Variants in RBFOX1 observed in about 807,000 individuals in gnomAD.
RBFOX1 encodes the protein RNA binding protein fox-1 homolog 1.
In RBFOX1, 8 loss-of-function variants were observed where a neutral mutation model predicts 57.7. The observed-to-expected ratio is 0.14, with a 90% CI of 0.08 to 0.25. The LOEUF is 0.25. RBFOX1 is among the 10% of genes least tolerant of loss of function. The pLI is 1.00. For missense variants in RBFOX1, 611 were observed against 548.5 expected, an observed-to-expected ratio of 1.11 and a Z score of -1.14; for synonymous variants, 326 against 222.4, an observed-to-expected ratio of 1.47 and a Z score of -4.15.
intron 1 of RBFOX1, among the ~76,000 whole-genome samples, chr16:6,289,033 G>A (rs1051185449): frequency 2.6e-5 from 4 of 152,128 alleles, no homozygotes; most frequent in South Asian, 2.1e-4. Context: ...AACAGAATGA[G>A]CTTTTATCAT....
chr16:6,999,222 T>A (rs1430033592), intron 3 of RBFOX1, among the ~76,000 whole-genome samples: 5 of 106,696 alleles, frequency 4.7e-5, no homozygotes, highest in East Asian at 2.4e-4. Flanking sequence ...ATTTATTTTT[T>A]TTATTTATTT....
At chr16:6,316,843 C>A (rs1369350259) in intron 1 of RBFOX1, among the ~76,000 whole-genome samples, 152 bp from the exon 2 acceptor site, 1 of 152,170 alleles carries the variant, frequency 6.6e-6, no homozygotes, top group Non-Finnish European at 1.5e-5. Context: ...GAATCATTTT[C>A]ATCATCATCA....
At chr16:6,461,112 G>T (rs1047713780) in intron 2 of RBFOX1, among the ~76,000 whole-genome samples, 2 of 152,130 alleles carry the variant, frequency 1.3e-5, no homozygotes, top group African/African-American at 2.4e-5. Flanking sequence ...GGGAGAGGGT[G>T]GGGGGAAGAA....
intron 3 of RBFOX1, among the ~76,000 whole-genome samples, chr16:5,825,064 A>G (rs1220928619): frequency 6.6e-6 from 1 of 152,212 alleles, no homozygotes; most frequent in Non-Finnish European, 1.5e-5. Flanking sequence ...TTGACTAAGA[A>G]GTTAGACTCT....
At chr16:6,943,150 AT>A (rs1329293082) in intron 3 of RBFOX1, among the ~76,000 whole-genome samples, 7 of 152,284 alleles carry the variant, frequency 4.6e-5, no homozygotes, top group African/African-American at 1.4e-4. Flanking sequence ...TGGCTTGCTA[AT>A]GGCTACCAGC....
chr16:6,483,641 G>C (rs2095411594), intron 2 of RBFOX1: 1 of 1,306,730 alleles, frequency 7.7e-7, no homozygotes, highest in Non-Finnish European at 1.0e-6. Context: ...AGCTTCTGCA[G>C]AGGCTTCCTG....
chr16:7,270,806 A>C (rs965648121), intron 4 of RBFOX1, among the ~76,000 whole-genome samples: 1 of 152,004 alleles, frequency 6.6e-6, no homozygotes, highest in Non-Finnish European at 1.5e-5. Flanking sequence ...TTCCCTATCA[A>C]CTTTCCCCGC....
At chr16:7,505,371 G>T (rs917637) in intron 4 of RBFOX1, among the ~76,000 whole-genome samples, 4,356 of 152,152 alleles carry the variant, frequency 0.029, 218 homozygotes, top group African/African-American at 0.1. Flanking sequence ...GCAAGACAGG[G>T]TCCTCTGAGA....
At chr16:6,838,675 C>A (rs146903159) in intron 3 of RBFOX1, among the ~76,000 whole-genome samples, 2 of 152,244 alleles carry the variant, frequency 1.3e-5, no homozygotes, top group South Asian at 2.1e-4. Flanking sequence ...TGGGCAAAGC[C>A]GATAACCTTC....
At chr16:7,000,007 G>A (rs2153630725) in intron 3 of RBFOX1, among the ~76,000 whole-genome samples, 1 of 151,554 alleles carries the variant, frequency 6.6e-6, no homozygotes, top group African/African-American at 2.4e-5. Context: ...AGCAGGCAGA[G>A]GTTGCAGTGA....
intron 10 of RBFOX1, among the ~76,000 whole-genome samples, chr16:7,618,587 A>C (rs118064029): frequency 0.013 from 1,931 of 152,300 alleles, 12 homozygotes; most frequent in Non-Finnish European, 0.023. Flanking sequence ...TTTAGTTTGA[A>C]AGACTTTTTG....
At chr16:7,157,443 T>C (rs769083406) in intron 4 of RBFOX1, among the ~76,000 whole-genome samples, 1 of 151,904 alleles carries the variant, frequency 6.6e-6, no homozygotes, top group Non-Finnish European at 1.5e-5. Flanking sequence ...TCAAAGGAAA[T>C]GTTATGGCAG....
chr16:6,219,888 C>G (rs1215603390), intron 1 of RBFOX1, among the ~76,000 whole-genome samples: 1 of 151,850 alleles, frequency 6.6e-6, no homozygotes, highest in South Asian at 2.1e-4. Flanking sequence ...AAAAAACAAA[C>G]AAACAAAAAA....
chr16:6,663,091 G>C (rs79017188), intron 3 of RBFOX1, among the ~76,000 whole-genome samples: 1 of 152,148 alleles, frequency 6.6e-6, no homozygotes, highest in Non-Finnish European at 1.5e-5. Flanking sequence ...AAGTGGGCAG[G>C]GATGGATACA....
intron 3 of RBFOX1, among the ~76,000 whole-genome samples, chr16:5,621,129 A>C (rs920601184): frequency 6.6e-6 from 1 of 152,114 alleles, no homozygotes; most frequent in East Asian, 1.9e-4. Flanking sequence ...CGTTGAGCCA[A>C]TGCGCCCAGC....
intron 1 of RBFOX1, among the ~76,000 whole-genome samples, chr16:5,287,225 G>C (rs1320682177): frequency 6.6e-6 from 1 of 152,078 alleles, no homozygotes; most frequent in Non-Finnish European, 1.5e-5. Context: ...GATCACTTGA[G>C]CCCAGGATTT....
intron 3 of RBFOX1, among the ~76,000 whole-genome samples, chr16:6,880,539 G>A (rs920449405): frequency 6.6e-6 from 1 of 152,202 alleles, no homozygotes; most frequent in South Asian, 2.1e-4. Context: ...AGTCAGGTTA[G>A]ACAGCTTCAG....
chr16:7,529,828 G>A (rs1033349090), intron 5 of RBFOX1, among the ~76,000 whole-genome samples: 2 of 151,970 alleles, frequency 1.3e-5, no homozygotes, highest in South Asian at 4.2e-4. Context: ...AGTCAACCTA[G>A]TGAAACCCCG....
downstream of RBFOX1, among the ~76,000 whole-genome samples, chr16:5,600,807 C>T (rs1373091075): frequency 6.6e-6 from 1 of 152,092 alleles, no homozygotes; most frequent in Non-Finnish European, 1.5e-5. Context: ...AAATGACAAC[C>T]ACACACCCAA....
Sources: allele counts gnomAD v4.1 joint callset (sites outside exome capture counted in the v4.1 genomes callset), GRCh38; gene constraint gnomAD v4.1.1; transcripts MANE v1.5; gene names NCBI Gene and HGNC (gene_info 2026-07-23, HGNC 2026-07-21).